The following SH3KBP1 variants were observed in gnomAD, a reference collection of about 807,000 sequenced individuals.
SH3KBP1 encodes SH3 domain-containing kinase-binding protein 1.
SH3KBP1 carries 8 observed loss-of-function variants against 50.1 expected under a neutral mutation model. That is an observed-to-expected ratio of 0.16 (90% CI 0.09 to 0.29). The LOEUF is 0.29. Among genes scored for constraint, SH3KBP1 ranks in the 10% least tolerant of loss-of-function variants. The pLI is 1.00. For missense variants in SH3KBP1, 377 were observed against 535.2 expected, an observed-to-expected ratio of 0.70 and a Z score of 2.92; for synonymous variants, 227 against 218.6, an observed-to-expected ratio of 1.04 and a Z score of -0.34.
intron 2 of SH3KBP1, among the ~76,000 whole-genome samples, chrX:19,824,650 C>T (rs754628258): frequency 8.9e-6 from 1 of 112,125 alleles, no homozygotes; most frequent in East Asian, 2.8e-4. Flanking sequence ...AGGGTTAAAA[C>T]ACATGATCTT....
chrX:19,585,690 C>T (rs866602375), intron 12 of SH3KBP1, among the ~76,000 whole-genome samples: 1 of 108,707 alleles, frequency 9.2e-6, no homozygotes, highest in Non-Finnish European at 1.9e-5. Context: ...ACCACCACTA[C>T]CAGCAGCAGC....
intron 2 of SH3KBP1, among the ~76,000 whole-genome samples, chrX:19,808,340 T>A (rs1362427147): frequency 1.8e-5 from 2 of 110,544 alleles, no homozygotes; most frequent in Non-Finnish European, 3.8e-5. Flanking sequence ...AAGACCTTTT[T>A]TTTTAGGTGA....
chrX:19,716,151 T>C (rs2063903199), intron 3 of SH3KBP1, among the ~76,000 whole-genome samples: 1 of 112,149 alleles, frequency 8.9e-6, no homozygotes, highest in Admixed American at 9.4e-5. Flanking sequence ...GATTTACCGA[T>C]CTTGCAGAAC....
intron 6 of SH3KBP1, among the ~76,000 whole-genome samples, chrX:19,653,803 C>T (rs1191714700): frequency 1.0e-5 from 1 of 95,464 alleles, no homozygotes; most frequent in African/African-American, 4.4e-5. Context: ...CACACACACA[C>T]ACACACACAC....
chrX:19,653,913 A>G (rs948928101), intron 6 of SH3KBP1, among the ~76,000 whole-genome samples: 3 of 109,875 alleles, frequency 2.7e-5, no homozygotes, highest in African/African-American at 6.6e-5. Flanking sequence ...CCTAACAGCT[A>G]TCTTTCTCTT....
intron 6 of SH3KBP1, among the ~76,000 whole-genome samples, chrX:19,649,301 CAT>C (rs919691204): frequency 8.9e-5 from 10 of 112,032 alleles, no homozygotes; most frequent in Admixed American, 7.5e-4. Context: ...CCCATTTTGC[CAT>C]ATGACTTTAT....
intron 1 of SH3KBP1, among the ~76,000 whole-genome samples, chrX:19,867,017 C>A (rs2068929086): frequency 9.0e-6 from 1 of 111,317 alleles, no homozygotes; most frequent in African/African-American, 3.3e-5. Flanking sequence ...AATTTCTGAA[C>A]TGGTTGGGGA....
chrX:19,788,282 A>C (rs1230609504), intron 2 of SH3KBP1, among the ~76,000 whole-genome samples: 2 of 92,319 alleles, frequency 2.2e-5, no homozygotes, highest in East Asian at 2.9e-4. Context: ...AAAAAAAAAA[A>C]AAACAAAAAA....
chrX:19,633,286 G>A (rs1209526856), intron 7 of SH3KBP1, among the ~76,000 whole-genome samples: 1 of 111,516 alleles, frequency 9.0e-6, no homozygotes, highest in Non-Finnish European at 1.9e-5. Flanking sequence ...TACATTCCCT[G>A]TCCTAGTGTT....
intron 2 of SH3KBP1, among the ~76,000 whole-genome samples, chrX:19,833,407 G>A (rs777690610): frequency 1.1e-5 from 1 of 92,598 alleles, no homozygotes; most frequent in Admixed American, 1.2e-4. Flanking sequence ...CCTTCCCAGG[G>A]TCCTCCTCTG....
At chrX:19,758,994 T>A (rs1240248303) in intron 2 of SH3KBP1, among the ~76,000 whole-genome samples, 1 of 111,716 alleles carries the variant, frequency 9.0e-6, no homozygotes, top group Non-Finnish European at 1.9e-5. Flanking sequence ...CAGAAAAAAA[T>A]TTAAGTGCAC....
chrX:19,709,654 A>G (rs1230762827), intron 3 of SH3KBP1, among the ~76,000 whole-genome samples: 1 of 111,491 alleles, frequency 9.0e-6, no homozygotes, highest in Non-Finnish European at 1.9e-5. Flanking sequence ...TCTGCCATGG[A>G]CCTCTCATTA....
chrX:19,618,129 T>C (rs1173376708), intron 8 of SH3KBP1, among the ~76,000 whole-genome samples: 1 of 110,664 alleles, frequency 9.0e-6, no homozygotes, highest in Non-Finnish European at 1.9e-5. Flanking sequence ...CTCACGTCTG[T>C]AATCTAAGCA....
In SH3KBP1 at chrX:19,670,941, TTCCA is replaced by T. The variant is rs113916439; in HGVS notation, c.726+12878_726+12881del. The T allele has an allele frequency of 4.9e-5, 56 of 1,140,154 alleles. 3 individuals carry two copies. Among genetic ancestry groups the T allele is most frequent in the African/African-American group, 3.8e-4 (20 of 53,012 alleles). 94.0% of individuals were successfully genotyped at this position (1,140,154 alleles called of 1,213,427 possible). ...ACTCCCCTGGAATCCTCCCACTTCC[TTCCA>T]ACAGCACGGAGCCTGAGGACCCAGC... On this transcript the variant is annotated intron_variant, in intron 6 of 17. Transcript: ENST00000397821.
chrX:19,774,779 T>G (rs1218466133), intron 2 of SH3KBP1, among the ~76,000 whole-genome samples: 1 of 111,468 alleles, frequency 9.0e-6, no homozygotes, highest in Non-Finnish European at 1.9e-5. Flanking sequence ...TTAACTTTAT[T>G]AACACATAGA....
At chrX:19,700,670 A>G in intron 4 of SH3KBP1, among the ~76,000 whole-genome samples, 1 of 111,350 alleles carries the variant, frequency 9.0e-6, no homozygotes, top group Non-Finnish European at 1.9e-5. Context: ...AGAACTGGTG[A>G]AAAAAAAATA....
intron 2 of SH3KBP1, among the ~76,000 whole-genome samples, chrX:19,827,564 C>T (rs777561460): frequency 9.0e-6 from 1 of 110,923 alleles, no homozygotes. Flanking sequence ...AGCTGTGGGT[C>T]CCTTCCAGGA....
intron 2 of SH3KBP1, among the ~76,000 whole-genome samples, chrX:19,749,382 T>C (rs1054419316): frequency 8.9e-6 from 1 of 112,800 alleles, no homozygotes; most frequent in Non-Finnish European, 1.9e-5. Context: ...TGCAACTTTA[T>C]ACATAATAGC....
At chrX:19,756,192 T>C (rs1280054258) in intron 2 of SH3KBP1, among the ~76,000 whole-genome samples, 2 of 111,431 alleles carry the variant, frequency 1.8e-5, no homozygotes, top group South Asian at 3.8e-4. Context: ...TCCGGCTATT[T>C]TCTCATACCT....
Sources: allele counts gnomAD v4.1 joint callset (sites outside exome capture counted in the v4.1 genomes callset), GRCh38; gene constraint gnomAD v4.1.1; transcripts MANE v1.5; gene names NCBI Gene and HGNC (gene_info 2026-07-23, HGNC 2026-07-21).